The following RNF217 variants were observed in gnomAD, a reference collection of about 807,000 sequenced individuals.
RNF217 encodes the protein ring finger protein 217.
Under a neutral mutation model 57.8 loss-of-function variants are expected in RNF217, and 31 were observed. The observed-to-expected ratio is 0.54, with a 90% CI of 0.40 to 0.72. The LOEUF (loss-of-function observed/expected upper bound fraction) is 0.72. Ranked by LOEUF, RNF217 falls within the 30% of genes least tolerant of loss-of-function variation. RNF217 has a pLI of 0.00. For missense variants in RNF217, 696 were observed against 708.3 expected (o/e 0.98, Z 0.20); for synonymous variants, 313 against 294.0 (o/e 1.06, Z -0.66).
intron 1 of RNF217, among the ~76,000 whole-genome samples, chr6:124,974,002 T>G (rs1163029687): frequency 6.6e-6 from 1 of 152,176 alleles, no homozygotes; most frequent in Non-Finnish European, 1.5e-5. Context: ...GTCTACCGAG[T>G]GCCCCCACAT....
chr6:125,022,300 TTATA>T (rs1246326949), intron 1 of RNF217, among the ~76,000 whole-genome samples: 1 of 152,220 alleles, frequency 6.6e-6, no homozygotes, highest in African/African-American at 2.4e-5. Flanking sequence ...TATGTAAAAT[TTATA>T]TAGCTCCATT....
chr6:125,060,953 T>C (rs1449216219), intron 3 of RNF217, among the ~76,000 whole-genome samples: 1 of 152,218 alleles, frequency 6.6e-6, no homozygotes, highest in Non-Finnish European at 1.5e-5. Context: ...ATATCATTAC[T>C]ATTTTCACCT....
At chr6:124,973,200 ACTGTGGATAAGATTTGGCCT>A (rs1002504855) in intron 1 of RNF217, among the ~76,000 whole-genome samples, 2 of 152,148 alleles carry the variant, frequency 1.3e-5, no homozygotes. Context: ...AGCTCATAAC[ACTGTGGATAAGATTTGGCCT>A]CTGCATCCTC....
At chr6:124,963,969 G>C (rs907027173) in intron 1 of RNF217, among the ~76,000 whole-genome samples, 14 of 152,188 alleles carry the variant, frequency 9.2e-5, no homozygotes, top group African/African-American at 3.4e-4. Flanking sequence ...TAAAGTTGAA[G>C]TACTTTTCTT....
intron 2 of RNF217, among the ~76,000 whole-genome samples, chr6:125,056,988 C>T (rs982171333): frequency 6.6e-6 from 1 of 152,114 alleles, no homozygotes; most frequent in East Asian, 1.9e-4. Flanking sequence ...TATGAAGGCC[C>T]GTTTCTGACG....
chr6:124,995,307 G>A (rs1239450144), intron 1 of RNF217, among the ~76,000 whole-genome samples: 1 of 152,092 alleles, frequency 6.6e-6, no homozygotes, highest in East Asian at 1.9e-4. Context: ...CAATATTGAA[G>A]GCCATCCTGG....
At chr6:125,008,361 A>G (rs1785272999) in intron 1 of RNF217, among the ~76,000 whole-genome samples, 2 of 152,216 alleles carry the variant, frequency 1.3e-5, no homozygotes, top group South Asian at 4.1e-4. Flanking sequence ...AATCATGGAA[A>G]GCAAAACCAT....
chr6:125,028,767 T>G (rs1003914890), intron 1 of RNF217, among the ~76,000 whole-genome samples: 8 of 148,546 alleles, frequency 5.4e-5, no homozygotes, highest in South Asian at 2.1e-4. Flanking sequence ...TAAAATAAGG[T>G]TTTTTTTTTA....
chr6:124,978,040 TGAGCACAAAATATTTGC>T (rs1372585800), intron 1 of RNF217, among the ~76,000 whole-genome samples: 2 of 152,148 alleles, frequency 1.3e-5, no homozygotes, highest in Non-Finnish European at 2.9e-5. Flanking sequence ...AAAAAAATAC[TGAGCACAAAATATTTGC>T]TTAGCACCAT....
At chr6:124,984,848 A>T (rs1001296334) in intron 1 of RNF217, among the ~76,000 whole-genome samples, 6 of 152,166 alleles carry the variant, frequency 3.9e-5, no homozygotes, top group African/African-American at 1.4e-4. Context: ...GAATTCCTGC[A>T]GGGGGAAAAT....
intron 1 of RNF217, among the ~76,000 whole-genome samples, chr6:124,999,868 A>G (rs1422763715): frequency 6.6e-6 from 1 of 152,248 alleles, no homozygotes; most frequent in Non-Finnish European, 1.5e-5. Context: ...CTATTAAACT[A>G]TTAAATAAAT....
chr6:125,072,205 AT>A (rs1429648101), intron 3 of RNF217, among the ~76,000 whole-genome samples: 1 of 152,152 alleles, frequency 6.6e-6, no homozygotes, highest in Non-Finnish European at 1.5e-5. Flanking sequence ...TGCAGATTGC[AT>A]TTTGCTAGTT....
Position 124,989,623 on chromosome 6 carries a change from T to A in RNF217, c.882+26197T>A, listed in dbSNP as rs527371458. On this transcript the variant is annotated intron_variant, in intron 1 of 5. Coordinates refer to ENST00000521654, the MANE Select transcript of RNF217 (RefSeq NM_001286398.3). ...TGGCTATGTTCCAATAAAGCTTTAT[T>A]TGTAAACACTTAAATTTGATATAAT... Among the ~76,000 whole-genome samples the A allele has an allele frequency of 1.9e-4, 11 of 57,348 alleles. No homozygotes were observed. The East Asian group carries it at 5.7e-3, about 30-fold the overall frequency. 37.6% of individuals were successfully genotyped at this position (57,348 alleles called of 152,430 possible). A position where few individuals can be genotyped will look rare whatever the true frequency, so the allele number is the denominator to read the frequency against.
At chr6:125,046,549 TA>T in intron 2 of RNF217, 1 of 455,364 alleles carries the variant, frequency 2.2e-6, no homozygotes, top group East Asian at 7.0e-5. Flanking sequence ...ATCTTTGCAG[TA>T]AATGAAGCAG....
At chr6:125,037,350 G>C (rs1337942368) in intron 1 of RNF217, among the ~76,000 whole-genome samples, 1 of 152,158 alleles carries the variant, frequency 6.6e-6, no homozygotes, top group Non-Finnish European at 1.5e-5. Flanking sequence ...CAAGGCACTT[G>C]AGGCTGAAGT....
chr6:125,080,418 C>T (rs571846), intron 4 of RNF217, among the ~76,000 whole-genome samples: 3,389 of 152,164 alleles, frequency 0.022, 117 homozygotes, highest in African/African-American at 0.076. Flanking sequence ...AAACTTCCAA[C>T]AAATGGCTGT....
chr6:124,962,799 G>T lies in RNF217; in HGVS notation c.255G>T (p.Ala85=), dbSNP rs921334484. The change falls in exon 1 of 6, where the codon GCG becomes GCT. Residue 85 remains alanine (A), a synonymous_variant. Transcript: ENST00000521654. This position sits in a 1 kb window ranked among gnomAD's most constrained non-coding sequence, Gnocchi z 4.6. ...PPGWSKSRAP[A]QPAGLALTGP... is the part of the protein sequence containing the mutation. Reference sequence around the variant, plus strand: ...GCTGGAGTAAGAGCCGAGCACCGGCGCAGCCTGCGGGACTGGCACTCACCG... The same window carrying T: ...GCTGGAGTAAGAGCCGAGCACCGGCTCAGCCTGCGGGACTGGCACTCACCG... 3 of 1,597,294 alleles carry T rather than the reference G, an allele frequency of 1.9e-6. No individual in the cohort carries two copies. Among genetic ancestry groups the T allele is most frequent in the African/African-American group, 1.3e-5 (1 of 74,890 alleles).
At chr6:124,985,117 T>C (rs1470674432) in intron 1 of RNF217, among the ~76,000 whole-genome samples, 2 of 152,198 alleles carry the variant, frequency 1.3e-5, no homozygotes, top group African/African-American at 2.4e-5. Flanking sequence ...AACCAGATAG[T>C]GTCTCACACT....
intron 1 of RNF217, among the ~76,000 whole-genome samples, chr6:124,964,885 C>T (rs959395997): frequency 1.3e-5 from 2 of 152,142 alleles, no homozygotes; most frequent in Admixed American, 6.5e-5. Context: ...TACAAAAGAA[C>T]AATACAAGGT....
Sources: gnomAD v4.1 joint callset for allele counts (sites outside exome capture counted in the v4.1 genomes callset) on GRCh38, gnomAD v4.1.1 for gene constraint, Gnocchi (gnomAD v3.1) non-coding constraint, MANE v1.5 for transcripts, NCBI Gene and HGNC (gene_info 2026-07-23, HGNC 2026-07-21) for gene names.